The following ERC2 variants were observed in gnomAD, a reference collection of about 807,000 sequenced individuals.
ERC2 encodes ERC protein 2.
ERC2 carries 42 observed loss-of-function variants against 114.8 expected under a neutral mutation model. The observed-to-expected ratio is 0.37, with a 90% CI of 0.29 to 0.47. The LOEUF is 0.47. Ranked by LOEUF, ERC2 falls within the 20% of genes least tolerant of loss-of-function variation. The pLI is 0.99. For missense variants in ERC2, 939 were observed against 1,150.7 expected, an observed-to-expected ratio of 0.82 and a Z score of 2.66; for synonymous variants, 454 against 425.5, an observed-to-expected ratio of 1.07 and a Z score of -0.82.
Position 56,080,891 on chromosome 3 carries a change from G to A in ERC2, c.1567C>T (p.Leu523=). The A allele has an allele frequency of 1.2e-6, 2 of 1,613,670 alleles. No individual in the cohort carries two copies. Among genetic ancestry groups the A allele is most frequent in the African/African-American group, 1.3e-5 (1 of 75,008 alleles). The change falls in exon 7 of 18, where the codon CTG becomes TTG. Residue 523 remains leucine, a synonymous_variant. Transcript: ENST00000288221. ...TTCATGTCACGAATTTCACCGGCCA[G>A]TGTCCCCTTCTCTTCTGTGAGGTCC... ...LQDLTEEKGT[L]AGEIRDMKDM... is the part of the protein sequence containing the mutation.
chr3:56,327,381 A>T (rs2057411002), intron 2 of ERC2, among the ~76,000 whole-genome samples: 1 of 152,174 alleles, frequency 6.6e-6, no homozygotes. Context: ...CACGGGGGAA[A>T]CTGCTCCCAT....
chr3:55,630,171 T>C (rs964202119), intron 17 of ERC2, among the ~76,000 whole-genome samples: 12 of 152,144 alleles, frequency 7.9e-5, no homozygotes, highest in Non-Finnish European at 1.8e-4. Context: ...TTTGTTTTGT[T>C]TTGTTCTGTT....
chr3:56,426,267 G>C (rs905229676), intron 2 of ERC2, among the ~76,000 whole-genome samples: 1 of 152,134 alleles, frequency 6.6e-6, no homozygotes, highest in Non-Finnish European at 1.5e-5. Flanking sequence ...CATCTGAGTC[G>C]CTGGCACCAT....
intron 17 of ERC2, among the ~76,000 whole-genome samples, chr3:55,635,178 C>T (rs1265881005): frequency 1.3e-5 from 2 of 151,968 alleles, no homozygotes; most frequent in Non-Finnish European, 2.9e-5. Flanking sequence ...CCACCGTGCC[C>T]GGCCTATTAT....
At chr3:55,738,138 C>T (rs1265548232) in intron 14 of ERC2, among the ~76,000 whole-genome samples, 1 of 152,112 alleles carries the variant, frequency 6.6e-6, no homozygotes, top group Non-Finnish European at 1.5e-5. Flanking sequence ...TTGTCATCTG[C>T]CTGCATCCAT....
chr3:56,208,371 A>C (rs1232332274), intron 3 of ERC2, among the ~76,000 whole-genome samples: 12 of 152,218 alleles, frequency 7.9e-5, no homozygotes, highest in Non-Finnish European at 1.6e-4. Flanking sequence ...AATTTAGACA[A>C]AGTTCATTCT....
rs576291253 is a variant in ERC2, at chr3:55,665,099, A to G, written c.*39+18695T>C. On this transcript the variant is annotated intron_variant, in intron 17 of 17. Transcript: ENST00000288221. ...AGAGGGTGCGCGGTGAAGGTGTAGA[A>G]GGTAGCCGTCATCAGCCCCACAGGA... Among the ~76,000 whole-genome samples the G allele has an allele frequency of 2.0e-5, 3 of 152,286 alleles. No homozygotes were observed. In the South Asian group the frequency reaches 6.2e-4, roughly 32 times the overall value.
intron 17 of ERC2, among the ~76,000 whole-genome samples, chr3:55,583,468 CTTCCTCCCTCCCCTCCA>C: frequency 1.3e-5 from 1 of 75,522 alleles, no homozygotes; most frequent in Non-Finnish European, 2.7e-5. Flanking sequence ...CCCTCTCTCC[CTTCCTCCCTCCCCTCCA>C]TCCCTCTCTC....
At chr3:56,025,041 A>G (rs2073957884) in intron 7 of ERC2, among the ~76,000 whole-genome samples, 1 of 152,208 alleles carries the variant, frequency 6.6e-6, no homozygotes, top group Non-Finnish European at 1.5e-5. Flanking sequence ...ACACTGATCA[A>G]GTGCACAGTA....
At chr3:56,147,339 A>T (rs891095097) in intron 5 of ERC2, among the ~76,000 whole-genome samples, 2 of 152,188 alleles carry the variant, frequency 1.3e-5, no homozygotes, top group African/African-American at 4.8e-5. Context: ...ATTCAAATCC[A>T]CTGGACAGTC....
intron 3 of ERC2, among the ~76,000 whole-genome samples, chr3:56,198,707 C>T (rs931787041): frequency 6.6e-6 from 1 of 152,192 alleles, no homozygotes; most frequent in African/African-American, 2.4e-5. Context: ...CTCTGACGTT[C>T]AGTCAAAATA....
At chr3:55,661,995 C>A (rs1177357568) in intron 17 of ERC2, among the ~76,000 whole-genome samples, 1 of 152,004 alleles carries the variant, frequency 6.6e-6, no homozygotes, top group African/African-American at 2.4e-5. Context: ...TTAAATATTG[C>A]AAAGCTAAGG....
At chr3:55,947,964 G>A (rs148927391) in intron 13 of ERC2, among the ~76,000 whole-genome samples, 94 of 152,302 alleles carry the variant, frequency 6.2e-4, no homozygotes, top group African/African-American at 2.3e-3. Context: ...TCGGAAAACT[G>A]TAAACTTATG....
At chr3:55,906,304 C>A (rs901130464) in intron 13 of ERC2, among the ~76,000 whole-genome samples, 1 of 151,792 alleles carries the variant, frequency 6.6e-6, no homozygotes, top group Admixed American at 6.6e-5. Context: ...TGGTGGCAGG[C>A]GCCTGTAGTC....
At chr3:55,957,172 T>C (rs1342257748) in intron 12 of ERC2, among the ~76,000 whole-genome samples, 3 of 151,984 alleles carry the variant, frequency 2.0e-5, no homozygotes, top group Non-Finnish European at 2.9e-5. Context: ...CTCCACCTTG[T>C]AGCATCAGGC....
At chr3:55,996,566 T>C (rs1392000679) in intron 10 of ERC2, among the ~76,000 whole-genome samples, 1 of 152,188 alleles carries the variant, frequency 6.6e-6, no homozygotes, top group Non-Finnish European at 1.5e-5. Context: ...ATTTCAGAAA[T>C]GTCTGCATCG....
rs184857482 is a variant in ERC2, at chr3:55,959,501, A to G, written c.2268-8941T>C. ...CTTGGTAAGATTGGCATGAGCCCAC[A>G]GGAAACTCCAAGGAAAAAGGCAAGC... On this transcript the variant is annotated intron_variant, in intron 12 of 17. Transcript: ENST00000288221. 6.0e-3 allele frequency among the ~76,000 whole-genome samples: 921 copies of G among 152,302 alleles called. 15 individuals carry two copies. The highest frequency in any genetic ancestry group is 0.021 in the African/African-American group (885 of 41,548).
chr3:55,711,625 A>G (rs1364702997), intron 15 of ERC2, among the ~76,000 whole-genome samples: 1 of 152,220 alleles, frequency 6.6e-6, no homozygotes, highest in East Asian at 1.9e-4. Context: ...TTTTATTCCA[A>G]GATGCATCCC....
chr3:55,821,506 G>A (rs370207305), intron 14 of ERC2, among the ~76,000 whole-genome samples: 7 of 152,100 alleles, frequency 4.6e-5, no homozygotes, highest in South Asian at 4.2e-4. Context: ...CTTTACCAGC[G>A]TCATTACATA....
Sources: allele counts gnomAD v4.1 joint callset (sites outside exome capture counted in the v4.1 genomes callset), GRCh38; gene constraint gnomAD v4.1.1; transcripts MANE v1.5; gene names NCBI Gene and HGNC (gene_info 2026-07-23, HGNC 2026-07-21).